Variants in KIF6 observed in about 807,000 individuals in gnomAD.
KIF6 encodes kinesin family member 6.
A neutral mutation model predicts 112.7 loss-of-function variants in KIF6; 106 were observed. That is an observed-to-expected ratio of 0.94 (90% CI 0.80 to 1.11). The LOEUF is 1.11. KIF6 is among the 50% of genes least tolerant of loss of function. The probability of loss-of-function intolerance (pLI) is 0.00; values close to 1 mark genes in which losing one functional copy is unlikely to be tolerated. For missense variants in KIF6, 929 were observed against 964.0 expected (o/e 0.96, Z 0.48); for synonymous variants, 339 against 339.9 (o/e 1.00, Z 0.03).
At chr6:39,643,949 C>G (rs1785035960) in intron 3 of KIF6, among the ~76,000 whole-genome samples, 1 of 151,986 alleles carries the variant, frequency 6.6e-6, no homozygotes, top group Non-Finnish European at 1.5e-5. Flanking sequence ...TATCCATAAT[C>G]CATAACATAC....
chr6:39,570,597 T>A (rs1278138997), intron 10 of KIF6, among the ~76,000 whole-genome samples: 1 of 152,196 alleles, frequency 6.6e-6, no homozygotes, highest in Non-Finnish European at 1.5e-5. Flanking sequence ...TGAATTGTAG[T>A]TCCCATAATC....
At chr6:39,450,016 G>T (rs373559654) in intron 13 of KIF6, among the ~76,000 whole-genome samples, 119 of 152,256 alleles carry the variant, frequency 7.8e-4, no homozygotes, top group African/African-American at 2.7e-3. Flanking sequence ...TGGTTTGTTT[G>T]TTTTGCTTTT....
chr6:39,668,751 C>T (rs190321109), intron 3 of KIF6, among the ~76,000 whole-genome samples: 47 of 152,106 alleles, frequency 3.1e-4, no homozygotes, highest in Admixed American at 1.5e-3. Context: ...AAATAAGAAA[C>T]GCAAATACAA....
At chr6:39,455,171 C>T (rs919593457) in intron 13 of KIF6, among the ~76,000 whole-genome samples, 8 of 152,208 alleles carry the variant, frequency 5.3e-5, no homozygotes, top group Non-Finnish European at 1.2e-4. Context: ...AGCTGGAGAT[C>T]TGAGAACGGG....
intron 13 of KIF6, among the ~76,000 whole-genome samples, chr6:39,437,554 GCT>G (rs150338364): frequency 3.3e-5 from 5 of 150,772 alleles, no homozygotes; most frequent in African/African-American, 7.3e-5. Flanking sequence ...TGTATCCATT[GCT>G]CTCTCTCTCT....
chr6:39,558,212 T>C (rs1779825155), intron 10 of KIF6, among the ~76,000 whole-genome samples: 1 of 152,182 alleles, frequency 6.6e-6, no homozygotes, highest in African/African-American at 2.4e-5. Flanking sequence ...CTGTTCCTTC[T>C]GTTGCTTCCA....
intron 15 of KIF6, among the ~76,000 whole-genome samples, chr6:39,418,208 C>T (rs1354374297): frequency 4.6e-5 from 7 of 152,136 alleles, no homozygotes; most frequent in Admixed American, 4.6e-4. Flanking sequence ...TCCTAACTCC[C>T]AGTTTTTCTC....
chr6:39,520,862 C>T (rs570762626), intron 13 of KIF6, among the ~76,000 whole-genome samples: 6 of 152,234 alleles, frequency 3.9e-5, no homozygotes, highest in African/African-American at 1.2e-4. Context: ...AACATAATCA[C>T]GAACACGAAA....
At chr6:39,550,988 T>G (rs1417762844) in intron 10 of KIF6, among the ~76,000 whole-genome samples, 1 of 152,160 alleles carries the variant, frequency 6.6e-6, no homozygotes, top group Non-Finnish European at 1.5e-5. Context: ...CTTTATCTAT[T>G]CATCTGTTGA....
chr6:39,436,028 G>GT (rs1041185167), intron 13 of KIF6, among the ~76,000 whole-genome samples: 7 of 152,026 alleles, frequency 4.6e-5, no homozygotes, highest in African/African-American at 7.2e-5. Context: ...AACATCTATT[G>GT]TTTTTTGACA....
chr6:39,631,311 T>G (rs1430652891), intron 5 of KIF6, among the ~76,000 whole-genome samples: 1 of 152,032 alleles, frequency 6.6e-6, no homozygotes, highest in Non-Finnish European at 1.5e-5. Flanking sequence ...GACTAGTATT[T>G]CCATACTATA....
rs1763403823 is a variant in KIF6, at chr6:39,342,636, T to G, written c.2428+1073A>C. Reference sequence around the variant, plus strand: ...ATTTTTTTTTATTTTTTTTTATTTTTAGACAAGGAAACTGAGAATGAGACA... The same window carrying G: ...ATTTTTTTTTATTTTTTTTTATTTTGAGACAAGGAAACTGAGAATGAGACA... On this transcript the variant is annotated intron_variant, in intron 22 of 22. Coordinates refer to ENST00000287152, the MANE Select transcript of KIF6 (RefSeq NM_145027.6). This position sits in a 1 kb window ranked among gnomAD's most constrained non-coding sequence, Gnocchi z 4.7. Among the ~76,000 whole-genome samples, 2 of 134,638 alleles carry G rather than the reference T, an allele frequency of 1.5e-5. No homozygotes were observed. Among genetic ancestry groups the G allele is most frequent in the African/African-American group, 6.4e-5 (2 of 31,214 alleles). 88.3% of individuals were successfully genotyped at this position (134,638 alleles called of 152,430 possible). A position where few individuals can be genotyped will look rare whatever the true frequency, so the allele number is the denominator to read the frequency against.
intron 6 of KIF6, among the ~76,000 whole-genome samples, chr6:39,604,566 G>A (rs995758400): frequency 1.3e-5 from 2 of 152,056 alleles, no homozygotes; most frequent in African/African-American, 4.8e-5. Context: ...TGGCTTTTAG[G>A]AAAGTAGTCA....
intron 3 of KIF6, chr6:39,690,699 C>CT (rs1396789078): frequency 6.6e-6 from 1 of 152,146 alleles, no homozygotes; most frequent in Non-Finnish European, 1.5e-5. Flanking sequence ...TCAAGGTAAC[C>CT]TAGGAGTGTC....
At chr6:39,524,922 T>A (rs1777619710) in intron 13 of KIF6, among the ~76,000 whole-genome samples, 1 of 152,196 alleles carries the variant, frequency 6.6e-6, no homozygotes, top group South Asian at 2.1e-4. Context: ...ACTGGCAAAG[T>A]AATTTGGGGA....
At chr6:39,718,864 T>C (rs1358555888) in intron 2 of KIF6, among the ~76,000 whole-genome samples, 2 of 151,238 alleles carry the variant, frequency 1.3e-5, no homozygotes, top group Non-Finnish European at 2.9e-5. Flanking sequence ...TAGGCAACAA[T>C]AGGTTAGCAA....
At chr6:39,718,162 G>A (rs544105359) in intron 2 of KIF6, among the ~76,000 whole-genome samples, 5 of 149,726 alleles carry the variant, frequency 3.3e-5, no homozygotes, top group South Asian at 2.1e-4. Flanking sequence ...CCCAGGAAGC[G>A]GAGGTTGCAG....
rs751086931 is a variant in KIF6 at position 39,613,285 on chromosome 6, G to A, written c.543C>T (p.Asn181=). The change falls in exon 6 of 23, where the codon AAC becomes AAT. Residue 181 remains asparagine, a synonymous_variant. Coordinates refer to ENST00000287152, the MANE Select transcript of KIF6 (RefSeq NM_145027.6). ...GGAGAGTCAAGTTTTTCAGGTGAAT[G>A]TTCTGATCAGGATCCTCCAGTATTG... The part of the protein sequence containing the change: ...KVTILEDPDQ[N]IHLKNLTLHQ... The A allele has an allele frequency of 5.6e-6, 9 of 1,606,596 alleles. No individual in the cohort carries two copies. The Admixed American group carries it at 6.8e-5, about 12-fold the overall frequency.
intron 13 of KIF6, among the ~76,000 whole-genome samples, chr6:39,502,376 A>G (rs1012704102): frequency 1.7e-4 from 26 of 151,826 alleles, no homozygotes; most frequent in Admixed American, 6.6e-5. Flanking sequence ...CCAGCCACTA[A>G]AAAAAACACA....
Sources: gnomAD v4.1 joint callset for allele counts (sites outside exome capture counted in the v4.1 genomes callset) on GRCh38, gnomAD v4.1.1 for gene constraint, Gnocchi (gnomAD v3.1) non-coding constraint, MANE v1.5 for transcripts, NCBI Gene and HGNC (gene_info 2026-07-23, HGNC 2026-07-21) for gene names.